The following EFHB variants were observed in gnomAD, a reference collection of about 807,000 sequenced individuals.
EFHB encodes the protein EF-hand domain family member B.
In EFHB, 91 loss-of-function variants were observed where a neutral mutation model predicts 87.2. The observed-to-expected ratio is 1.04, with a 90% confidence interval of 0.88 to 1.24. The LOEUF (loss-of-function observed/expected upper bound fraction) is 1.24. Ranked by LOEUF, EFHB falls within the 50% of genes most tolerant of loss-of-function variation. EFHB has a pLI of 0.00. For missense variants in EFHB, 1,084 were observed against 998.8 expected (o/e 1.09, Z -1.15); for synonymous variants, 325 against 333.6 (o/e 0.97, Z 0.28).
In EFHB at chr3:19,931,456, G is replaced by A. The variant is rs555300904; in HGVS notation, c.789+1774C>T. 5.9e-5 allele frequency among the ~76,000 whole-genome samples: 9 copies of A among 152,270 alleles called. No homozygotes were observed. The South Asian group carries it at 1.5e-3, about 25-fold the overall frequency. ...CAGAACCAATCCAGAAATGGGAACC[G>A]GTGTGGTCAAGTAAAGTGGCTGGGA... On this transcript the variant is annotated intron_variant, in intron 1 of 12. Transcript: ENST00000295824.
Position 19,879,815 on chromosome 3 carries a change from G to T in EFHB, c.2329-11C>A. ...CAATATCTCTGCAATCTAGAAAAAG[G>T]CATTTAAAATAGACCATGATTTATA... On this transcript the variant is annotated splice_polypyrimidine_tract_variant and intron_variant, in intron 12 of 12. Coordinates refer to ENST00000295824, the MANE Select transcript of EFHB (RefSeq NM_144715.4). The T allele has an allele frequency of 6.4e-7, 1 of 1,570,412 alleles. No individual in the cohort carries two copies. Among genetic ancestry groups the T allele is most frequent in the Non-Finnish European group, 8.6e-7 (1 of 1,161,374 alleles).
intron 10 of EFHB, among the ~76,000 whole-genome samples, chr3:19,886,025 A>G (rs1225995387): frequency 6.6e-6 from 1 of 152,222 alleles, no homozygotes; most frequent in African/African-American, 2.4e-5. Context: ...AGAAGATGAA[A>G]ATCCTTAAAA....
rs775793704 is a variant in EFHB, at chr3:19,933,822, A to G, written c.197T>C (p.Leu66Ser). 1 of 1,613,824 alleles carries G rather than the reference A, an allele frequency of 6.2e-7. No homozygotes were observed. Among genetic ancestry groups the G allele is most frequent in the East Asian group, 2.2e-5 (1 of 44,862 alleles). The change falls in exon 1 of 13, where the codon TTG becomes TCG. Residue 66 changes from leucine (L) to serine (S), a missense_variant. Coordinates refer to ENST00000295824, the MANE Select transcript of EFHB (RefSeq NM_144715.4). ...TAATCCCATTTCAAGCCCCTTGCTCAATGGAAATTTTGTTTCTGGTGGTGC... is the reference window on the plus strand; with the variant it reads ...TAATCCCATTTCAAGCCCCTTGCTCGATGGAAATTTTGTTTCTGGTGGTGC... ...RMAPPETKFP[L>S]SKGLEMGLER...
intron 9 of EFHB, chr3:19,894,839 T>C (rs1404753977): frequency 6.6e-6 from 1 of 150,900 alleles, no homozygotes; most frequent in Non-Finnish European, 1.5e-5. Flanking sequence ...ATACGAAAAT[T>C]AGGGTGTGGT....
At chr3:19,897,557 T>A (rs1192509355) in intron 8 of EFHB, among the ~76,000 whole-genome samples, 1 of 152,136 alleles carries the variant, frequency 6.6e-6, no homozygotes, top group Non-Finnish European at 1.5e-5. Flanking sequence ...AGCTTTCTCT[T>A]CCTTTTTTAA....
At chr3:19,880,824 T>C (rs750496285) in intron 12 of EFHB, among the ~76,000 whole-genome samples, 4 of 150,386 alleles carry the variant, frequency 2.7e-5, no homozygotes, top group Non-Finnish European at 4.4e-5. Context: ...GAAGAAACAA[T>C]AGAATGAGTA....
chr3:19,909,543 G>A (rs1694985079), intron 5 of EFHB, among the ~76,000 whole-genome samples: 1 of 152,194 alleles, frequency 6.6e-6, no homozygotes, highest in African/African-American at 2.4e-5. Context: ...CCCAGAGACA[G>A]TGGACTGGGG....
chr3:19,934,182 C>T lies in EFHB; in HGVS notation c.-164G>A. On this transcript the variant is annotated 5_prime_UTR_variant, in exon 1 of 13. Transcript: ENST00000295824. ...CCATTGCTTCCTGCCTGCCTCTTAA[C>T]ACCTAGCCGAGTTCACAGAGGAAAA... The T allele has an allele frequency of 6.9e-7, 1 of 1,441,950 alleles. No individual in the cohort carries two copies. The highest frequency in any genetic ancestry group is 9.0e-7 in the Non-Finnish European group (1 of 1,106,138). 89.3% of individuals were successfully genotyped at this position (1,441,950 alleles called of 1,614,324 possible).
chr3:19,879,803 A>G lies in EFHB; in HGVS notation c.2330T>C (p.Ile777Thr), dbSNP rs574467303. 57 of 1,578,640 alleles carry G rather than the reference A, an allele frequency of 3.6e-5. No homozygotes were observed. The highest frequency in any genetic ancestry group is 1.7e-4 in the Middle Eastern group (1 of 5,924). Residue 777 changes from isoleucine to threonine, a missense_variant and splice_region_variant, in exon 13 of 13, where the codon ATT becomes ACT. By Grantham distance (89) the Ile-to-Thr change is moderately conservative. Coordinates refer to ENST00000295824, the MANE Select transcript of EFHB (RefSeq NM_144715.4). ...DFFKTRSKEE[I>T]AEILCNIGVK... Reference sequence around the variant, plus strand: ...ACCAATGTTACACAATATCTCTGCAATCTAGAAAAAGGCATTTAAAATAGA... The same window carrying G: ...ACCAATGTTACACAATATCTCTGCAGTCTAGAAAAAGGCATTTAAAATAGA...
intron 1 of EFHB, among the ~76,000 whole-genome samples, chr3:19,931,553 A>C (rs921904446): frequency 2.6e-5 from 4 of 152,212 alleles, no homozygotes; most frequent in Non-Finnish European, 5.9e-5. Flanking sequence ...GAAGGGGAAA[A>C]GTCTTCAAAC....
chr3:19,914,260 G>A lies in EFHB; in HGVS notation c.1288+1043C>T, dbSNP rs879907117. Among the ~76,000 whole-genome samples, 229 of 152,190 alleles carry A rather than the reference G, an allele frequency of 1.5e-3. 1 individual carries two copies. Among genetic ancestry groups the A allele is most frequent in the Admixed American group, 7.5e-3 (115 of 15,288 alleles). ...TCTTTTAAAACAATTAAAGAGCATT[G>A]GATTAGACTGTGCAATAGACATGAA... is the stretch of plus-strand genomic sequence containing the variant. On this transcript the variant is annotated intron_variant, in intron 5 of 12. Coordinates refer to ENST00000295824, the MANE Select transcript of EFHB (RefSeq NM_144715.4).
At chr3:19,892,139 C>T (rs1450289948) in intron 9 of EFHB, among the ~76,000 whole-genome samples, 1 of 152,150 alleles carries the variant, frequency 6.6e-6, no homozygotes, top group Non-Finnish European at 1.5e-5. Flanking sequence ...TTAAGTTAAT[C>T]TGGGTTGTGC....
chr3:19,946,007 G>T (rs1696269246), intron 1 of EFHB: 1 of 152,142 alleles, frequency 6.6e-6, no homozygotes, highest in Non-Finnish European at 1.5e-5. Flanking sequence ...TTTTGGCGGA[G>T]GCTGGGGAGG....
intron 4 of EFHB, among the ~76,000 whole-genome samples, chr3:19,917,745 T>C (rs1695282673): frequency 6.6e-6 from 1 of 152,216 alleles, no homozygotes; most frequent in Admixed American, 6.5e-5. Context: ...AAGTCAACTA[T>C]GCACTCTGCT....
At chr3:19,925,333 T>C (rs1330620441) in intron 1 of EFHB, among the ~76,000 whole-genome samples, 2 of 152,014 alleles carry the variant, frequency 1.3e-5, no homozygotes, top group Non-Finnish European at 2.9e-5. Flanking sequence ...TAATATTCTG[T>C]CTAGTTAAAT....
At chr3:19,936,500 G>T (rs540529928), upstream of EFHB, among the ~76,000 whole-genome samples, 1 of 152,228 alleles carries the variant, frequency 6.6e-6, no homozygotes, top group East Asian at 1.9e-4. Flanking sequence ...GGAATTGAAG[G>T]CTGTAGTGAG....
chr3:19,939,999 A>G (rs1211051937), intron 1 of EFHB, among the ~76,000 whole-genome samples: 1 of 152,166 alleles, frequency 6.6e-6, no homozygotes, highest in Non-Finnish European at 1.5e-5. Context: ...ATCTTCCGAC[A>G]TCTCTCAAAC....
chr3:19,879,860 A>G (rs2071629290), intron 12 of EFHB, 56 bp from the exon 13 acceptor site: 1 of 1,473,776 alleles, frequency 6.8e-7, no homozygotes, highest in Non-Finnish European at 9.0e-7. Flanking sequence ...ACTTGTAATG[A>G]AAAATATCTT....
intron 10 of EFHB, among the ~76,000 whole-genome samples, chr3:19,886,405 G>A (rs1694101406): frequency 6.6e-6 from 1 of 152,128 alleles, no homozygotes; most frequent in Admixed American, 6.6e-5. Context: ...AAATAAAAAT[G>A]TAAATATCTT....
Sources: allele counts gnomAD v4.1 joint callset (sites outside exome capture counted in the v4.1 genomes callset), GRCh38; gene constraint gnomAD v4.1.1; transcripts MANE v1.5; gene names NCBI Gene and HGNC (gene_info 2026-07-23, HGNC 2026-07-21).